JAK2: variants seen among roughly 807,000 people sequenced by gnomAD.
The protein encoded by JAK2 is tyrosine-protein kinase JAK2.
A neutral mutation model predicts 139.3 loss-of-function variants in JAK2; 86 were observed. The observed-to-expected ratio is 0.62, with a 90% CI of 0.52 to 0.74. The LOEUF (loss-of-function observed/expected upper bound fraction) is 0.74, where lower values mean the gene tolerates loss of function less well. Among genes scored for constraint, JAK2 ranks in the 30% least tolerant of loss-of-function variants. JAK2 has a pLI of 0.00. For missense variants in JAK2, 1,421 were observed against 1,360.3 expected (o/e 1.04, Z -0.70); for synonymous variants, 490 against 437.7 (o/e 1.12, Z -1.49).
At chr9:5,110,774 T>G in intron 22 of JAK2, 1 of 385,350 alleles carries the variant, frequency 2.6e-6, no homozygotes, top group Non-Finnish European at 5.0e-6. Context: ...CATGCAGGAG[T>G]GGTAAGGGCC....
intron 2 of JAK2, among the ~76,000 whole-genome samples, chr9:4,998,855 G>C (rs2209773): frequency 0.34 from 52,083 of 151,626 alleles, 9,634 homozygotes; most frequent in African/African-American, 0.49. Context: ...TTTTGAGATG[G>C]AGTCTCCCTC....
rs56691830 is a variant in JAK2, at chr9:5,103,221, C to CAAAAA, written c.3059+12340_3059+12344dup. 1.2e-3 allele frequency among the ~76,000 whole-genome samples: 8 copies of CAAAAA among 6,872 alleles called. 2 individuals are homozygous for CAAAAA. The highest frequency in any genetic ancestry group is 3.0e-3 in the Admixed American group (1 of 332). 4.5% of individuals were successfully genotyped at this position (6,872 alleles called of 152,430 possible). On this transcript the variant is annotated intron_variant, in intron 22 of 24. Transcript: ENST00000381652. ...GAAGATCTACCAAGCAAAGGGAAAG[C>CAAAAA]AAAAAAAAAAAAAAAAAAAAAAAAA...
chr9:5,123,189 A>C, intron 23 of JAK2, 68 bp downstream of exon 23: 1 of 1,094,588 alleles, frequency 9.1e-7, no homozygotes, highest in Non-Finnish European at 1.4e-6. Flanking sequence ...TTTATGGGGT[A>C]CAAGTACAAT....
At chr9:5,011,690 G>A (rs1006997530) in intron 2 of JAK2, among the ~76,000 whole-genome samples, 1 of 151,908 alleles carries the variant, frequency 6.6e-6, no homozygotes, top group Admixed American at 6.5e-5. Flanking sequence ...GCTGACTATT[G>A]TACATTGTGG....
At chr9:5,095,943 A>T (rs1259939837) in intron 22 of JAK2, among the ~76,000 whole-genome samples, 1 of 152,202 alleles carries the variant, frequency 6.6e-6, no homozygotes, top group Admixed American at 6.5e-5. Flanking sequence ...TAACATGATT[A>T]ACACCTATAG....
intron 22 of JAK2, among the ~76,000 whole-genome samples, chr9:5,106,832 A>G (rs1821999713): frequency 6.6e-6 from 1 of 152,166 alleles, no homozygotes; most frequent in African/African-American, 2.4e-5. Context: ...TCTCACTCAT[A>G]GGTGGGAGTT....
At chr9:5,104,103 C>CA (rs1289944993) in intron 22 of JAK2, among the ~76,000 whole-genome samples, 2 of 151,892 alleles carry the variant, frequency 1.3e-5, no homozygotes, top group African/African-American at 2.4e-5. Context: ...CACAACTCTT[C>CA]AAAAAATCAA....
intron 2 of JAK2, among the ~76,000 whole-genome samples, chr9:5,004,471 C>T (rs1408278129): frequency 2.6e-5 from 4 of 152,048 alleles, no homozygotes; most frequent in Non-Finnish European, 5.9e-5. Context: ...AGATTTTCTT[C>T]TTTTTTTAAG....
chr9:5,107,867 T>G (rs541521156), intron 22 of JAK2: 27 of 152,300 alleles, frequency 1.8e-4, no homozygotes, highest in African/African-American at 6.3e-4. Flanking sequence ...CCTTGCCTTA[T>G]TAGTTTCAAT....
At chr9:5,101,385 C>A (rs1821472034) in intron 22 of JAK2, among the ~76,000 whole-genome samples, 1 of 152,232 alleles carries the variant, frequency 6.6e-6, no homozygotes, top group African/African-American at 2.4e-5. Context: ...CAGGGAAGCT[C>A]GAACTGGGTG....
chr9:5,028,058 T>A (rs1270671476), intron 3 of JAK2, among the ~76,000 whole-genome samples: 4 of 152,316 alleles, frequency 2.6e-5, no homozygotes, highest in East Asian at 3.9e-4. Flanking sequence ...GTGAACTCTT[T>A]CCATAAGTTT....
intron 22 of JAK2, among the ~76,000 whole-genome samples, chr9:5,113,161 T>C (rs1418028384): frequency 1.4e-5 from 2 of 147,032 alleles, no homozygotes; most frequent in Non-Finnish European, 3.0e-5. Context: ...TGAAACTGCA[T>C]CTTGGCCCTG....
intron 2 of JAK2, among the ~76,000 whole-genome samples, chr9:5,005,207 C>T (rs1821216814): frequency 6.9e-6 from 1 of 144,572 alleles, no homozygotes; most frequent in African/African-American, 2.6e-5. Flanking sequence ...ACCTTGGCCT[C>T]CCAAAGTTTT....
intron 22 of JAK2, chr9:5,111,519 A>G: frequency 5.5e-6 from 2 of 366,440 alleles, no homozygotes; most frequent in Non-Finnish European, 1.1e-5. Flanking sequence ...CCATCCGCCA[A>G]GACGCCCAGC....
chr9:5,035,190 T>A (rs1476489133), intron 4 of JAK2, among the ~76,000 whole-genome samples: 2 of 152,102 alleles, frequency 1.3e-5, no homozygotes, highest in Non-Finnish European at 2.9e-5. Flanking sequence ...CAGAAAGAAG[T>A]TGAATCTCTG....
At chr9:5,122,893 A>C in intron 22 of JAK2, 111 bp from the exon 23 acceptor site, 5 of 644,618 alleles carry the variant, frequency 7.8e-6, no homozygotes, top group Non-Finnish European at 1.3e-5. Context: ...CTGCTGTGAT[A>C]ACTCTTTTCT....
intron 2 of JAK2, among the ~76,000 whole-genome samples, chr9:4,998,783 C>A (rs1341515649): frequency 6.6e-6 from 1 of 151,738 alleles, no homozygotes; most frequent in Non-Finnish European, 1.5e-5. Context: ...AAAAGGGATA[C>A]ATTTTGCAGA....
intron 22 of JAK2, among the ~76,000 whole-genome samples, chr9:5,107,014 A>G (rs1414224755): frequency 6.6e-6 from 1 of 152,214 alleles, no homozygotes; most frequent in Non-Finnish European, 1.5e-5. Flanking sequence ...CATGTACCCT[A>G]GAACTTAAAG....
intron 4 of JAK2, among the ~76,000 whole-genome samples, chr9:5,042,319 A>C (rs1044125622): frequency 2.0e-5 from 3 of 150,224 alleles, no homozygotes; most frequent in Admixed American, 1.3e-4. Flanking sequence ...TTGTATTTTT[A>C]GTAGAGACGG....
Sources: allele counts gnomAD v4.1 joint callset (sites outside exome capture counted in the v4.1 genomes callset), GRCh38; gene constraint gnomAD v4.1.1; transcripts MANE v1.5; gene names NCBI Gene and HGNC (gene_info 2026-07-23, HGNC 2026-07-21).